The following IGSF21 variants were observed in gnomAD, a reference collection of about 807,000 sequenced individuals.
IGSF21 encodes the protein immunoglobulin superfamily member 21.
Under a neutral mutation model 46.8 loss-of-function variants are expected in IGSF21, and 28 were observed. The ratio of observed to expected loss-of-function variants is 0.60; its 90% confidence interval spans 0.44 to 0.82. The LOEUF (loss-of-function observed/expected upper bound fraction) is 0.82. Ranked by LOEUF, IGSF21 falls within the 40% of genes least tolerant of loss-of-function variation. The pLI is 0.00. For missense variants in IGSF21, 624 were observed against 665.5 expected (o/e 0.94, Z 0.69); for synonymous variants, 284 against 273.6 (o/e 1.04, Z -0.38).
intron 2 of IGSF21, among the ~76,000 whole-genome samples, chr1:18,259,512 G>A (rs2084921151): frequency 6.6e-6 from 1 of 152,214 alleles, no homozygotes; most frequent in Non-Finnish European, 1.5e-5. Context: ...GTTCCTGTTG[G>A]AAGGAAGTCC....
chr1:18,270,413 G>T (rs1307070321), intron 2 of IGSF21, among the ~76,000 whole-genome samples: 1 of 152,202 alleles, frequency 6.6e-6, no homozygotes, highest in Non-Finnish European at 1.5e-5. Context: ...GCCCTGCAAG[G>T]TTCTGCCAAC....
At chr1:18,199,781 G>A (rs749187924) in intron 1 of IGSF21, among the ~76,000 whole-genome samples, 2 of 152,110 alleles carry the variant, frequency 1.3e-5, no homozygotes, top group Non-Finnish European at 2.9e-5. Context: ...ATCTCAGCTG[G>A]GAACACATGT....
chr1:18,173,655 C>T (rs1170323763), intron 1 of IGSF21, among the ~76,000 whole-genome samples: 2 of 152,254 alleles, frequency 1.3e-5, no homozygotes, highest in African/African-American at 4.8e-5. Flanking sequence ...ACCACTCGTT[C>T]ATCCCTTTTT....
At chr1:18,266,581 A>C (rs956250107) in intron 2 of IGSF21, among the ~76,000 whole-genome samples, 1 of 152,202 alleles carries the variant, frequency 6.6e-6, no homozygotes, top group Non-Finnish European at 1.5e-5. Flanking sequence ...CTGGCCCAGC[A>C]TGTACTCATG....
At chr1:18,373,393 T>G (rs567748484) in intron 6 of IGSF21, among the ~76,000 whole-genome samples, 2 of 152,268 alleles carry the variant, frequency 1.3e-5, no homozygotes, top group South Asian at 4.2e-4. Flanking sequence ...CTGGAGCTGC[T>G]AATGGGCCAG....
Position 18,365,653 on chromosome 1 carries a change from A to G in IGSF21, c.971A>G (p.Lys324Arg). 1 of 1,614,146 alleles carries G rather than the reference A, an allele frequency of 6.2e-7. No individual in the cohort carries two copies. Among genetic ancestry groups the G allele is most frequent in the Non-Finnish European group, 8.5e-7 (1 of 1,180,016 alleles). The change falls in exon 6 of 10, where the codon AAG (lysine) becomes AGG (arginine). Residue 324 changes from lysine (K) to arginine (R), a missense_variant. Lys to Arg is a conservative substitution (Grantham distance 26, BLOSUM62 2). Transcript: ENST00000251296. This position sits in a 1 kb window ranked among gnomAD's most constrained non-coding sequence, Gnocchi z 4.8. ...GAGGCCCTCTTCAGCTGCGAGGTCA[A>G]GCACCCAGCTCTGTCGATGCCCATG... ...DNEALFSCEVKHPALSMPMQA... is the reference protein window; with the variant it reads ...DNEALFSCEVRHPALSMPMQA...
chr1:18,269,706 G>A (rs992117310), intron 2 of IGSF21, among the ~76,000 whole-genome samples: 3 of 152,122 alleles, frequency 2.0e-5, no homozygotes, highest in South Asian at 2.1e-4. Flanking sequence ...AGTCTGAAGC[G>A]CATCTCCCTC....
intron 1 of IGSF21, among the ~76,000 whole-genome samples, chr1:18,149,643 T>C (rs1052805530): frequency 7.0e-6 from 1 of 142,478 alleles, no homozygotes; most frequent in Non-Finnish European, 1.5e-5. Context: ...CCAATAGGTC[T>C]TCGTAACATG....
chr1:18,318,738 G>A (rs1162441778), intron 3 of IGSF21, among the ~76,000 whole-genome samples: 1 of 152,096 alleles, frequency 6.6e-6, no homozygotes, highest in African/African-American at 2.4e-5. Flanking sequence ...CCCAGAATCG[G>A]CCTGTCAACA....
intron 6 of IGSF21, among the ~76,000 whole-genome samples, chr1:18,373,788 C>G (rs547986762): frequency 2.0e-5 from 3 of 152,324 alleles, no homozygotes; most frequent in Admixed American, 2.0e-4. Context: ...CCACTGCCCC[C>G]CTGGAGGGCC....
intron 1 of IGSF21, among the ~76,000 whole-genome samples, chr1:18,193,092 G>A (rs2086973137): frequency 6.6e-6 from 1 of 152,072 alleles, no homozygotes; most frequent in African/African-American, 2.4e-5. Context: ...TGGCCCACAG[G>A]GAAGGGGGTG....
At chr1:18,156,533 C>T (rs1226872085) in intron 1 of IGSF21, among the ~76,000 whole-genome samples, 1 of 152,232 alleles carries the variant, frequency 6.6e-6, no homozygotes, top group Non-Finnish European at 1.5e-5. Context: ...TCCCCGTCCC[C>T]AGCCCCAACC....
chr1:18,274,783 T>C (rs1174095105), intron 2 of IGSF21, among the ~76,000 whole-genome samples: 1 of 152,202 alleles, frequency 6.6e-6, no homozygotes, highest in Non-Finnish European at 1.5e-5. Context: ...CCCAGCACTT[T>C]GGTAGGCCAA....
chr1:18,140,535 T>C (rs1452333839), intron 1 of IGSF21, among the ~76,000 whole-genome samples: 4 of 152,178 alleles, frequency 2.6e-5, no homozygotes, highest in African/African-American at 7.2e-5. Context: ...CGGCCGCATA[T>C]GCATGCTCCA....
chr1:18,164,906 C>T (rs2086663708), intron 1 of IGSF21, among the ~76,000 whole-genome samples: 1 of 116,232 alleles, frequency 8.6e-6, no homozygotes, highest in Admixed American at 1.1e-4. Context: ...CACAACAGGC[C>T]CTAGTGTGTG....
At chr1:18,371,098 A>G (rs1196233674) in intron 6 of IGSF21, among the ~76,000 whole-genome samples, 2 of 152,262 alleles carry the variant, frequency 1.3e-5, no homozygotes, top group African/African-American at 2.4e-5. Flanking sequence ...ATGAAAACAT[A>G]TGTCCACAGC....
chr1:18,166,225 T>C (rs1299129471), intron 1 of IGSF21, among the ~76,000 whole-genome samples: 1 of 152,184 alleles, frequency 6.6e-6, no homozygotes, highest in Non-Finnish European at 1.5e-5. Context: ...AATTTTACCT[T>C]GTATATTTTC....
intron 2 of IGSF21, among the ~76,000 whole-genome samples, chr1:18,245,727 C>A (rs1046833445): frequency 6.6e-6 from 1 of 152,194 alleles, no homozygotes; most frequent in Non-Finnish European, 1.5e-5. Flanking sequence ...GGGCTAGGAT[C>A]TGTTTCCTCT....
In IGSF21 at chr1:18,365,400, C is replaced by T. The variant is rs749522362; in HGVS notation, c.718C>T (p.Arg240Ter). ...CCTGGACGCCGAGAACCGGGGTGGG[C>T]GACCCTACACGGAGCGCCCCTCCCG... is the stretch of plus-strand genomic sequence containing the variant. ...SLLDAENRGG[R>*]PYTERPSRGL... Residue 240 changes from arginine (R) to a stop codon, truncating the protein, a stop_gained, in exon 6 of 10, where the codon CGA (arginine) becomes TGA (stop). Transcript: ENST00000251296. LOFTEE classifies it high-confidence loss of function. The surrounding 1 kb of genome is among the most constrained non-coding windows in gnomAD (Gnocchi z 4.8). The T allele has an allele frequency of 5.6e-6, 9 of 1,613,928 alleles. No homozygotes were observed. The highest frequency in any genetic ancestry group is 6.8e-6 in the Non-Finnish European group (8 of 1,179,982).
Sources: gnomAD v4.1 joint callset for allele counts (sites outside exome capture counted in the v4.1 genomes callset) on GRCh38, gnomAD v4.1.1 for gene constraint, Gnocchi (gnomAD v3.1) non-coding constraint, MANE v1.5 for transcripts, NCBI Gene and HGNC (gene_info 2026-07-23, HGNC 2026-07-21) for gene names.